The following PIGF variants were observed in gnomAD, a reference collection of about 807,000 sequenced individuals.
PIGF encodes phosphatidylinositol glycan anchor biosynthesis class F.
PIGF carries 23 observed loss-of-function variants against 26.0 expected under a neutral mutation model. The observed-to-expected ratio is 0.88, with a 90% confidence interval of 0.64 to 1.25. The LOEUF is 1.25. PIGF is among the 50% of genes most tolerant of loss of function. The pLI is 0.00. For synonymous variants in PIGF, 93 were observed against 92.6 expected, an observed-to-expected ratio of 1.00 and a Z score of -0.03; for missense variants, 278 against 249.9, an observed-to-expected ratio of 1.11 and a Z score of -0.76.
intron 2 of PIGF, 175 bp downstream of exon 2, chr2:46,614,762 C>G (rs1304471257): frequency 3.7e-6 from 2 of 538,234 alleles, no homozygotes; most frequent in Non-Finnish European, 6.7e-6. Flanking sequence ...AAGGATCAAT[C>G]AAACATTGTG....
chr2:46,596,212 CAAAA>C (rs544010392), intron 4 of PIGF, among the ~76,000 whole-genome samples: 1 of 102,846 alleles, frequency 9.7e-6, no homozygotes. Context: ...GACCCCATCT[CAAAA>C]AAAAAAAAAA....
At chr2:46,584,690 G>C (rs1025314642) in intron 5 of PIGF, among the ~76,000 whole-genome samples, 3 of 152,162 alleles carry the variant, frequency 2.0e-5, no homozygotes, top group Admixed American at 2.0e-4. Context: ...GACTGTTAAT[G>C]ATGGGTCAGG....
In PIGF at chr2:46,612,232, T is replaced by C. The variant is rs1333042075; in HGVS notation, c.433A>G (p.Asn145Asp). 3 of 1,081,566 alleles carry C rather than the reference T, an allele frequency of 2.8e-6. No homozygotes were observed. Among genetic ancestry groups the C allele is most frequent in the African/African-American group, 3.3e-5 (2 of 60,480 alleles). 67.0% of individuals were successfully genotyped at this position (1,081,566 alleles called of 1,614,324 possible). Residue 145 changes from asparagine (N) to aspartate (D), a missense_variant, in exon 4 of 6, where the codon AAT (asparagine) becomes GAT (aspartate). Physicochemically the swap from Asn to Asp is conservative, Grantham distance 23. Coordinates refer to ENST00000281382, the MANE Select transcript of PIGF (RefSeq NM_002643.4). Reference protein sequence around the residue: ...LKAWLRVFSRNGVTSIWENSL... With the variant: ...LKAWLRVFSRDGVTSIWENSL... Reference sequence around the variant, plus strand: ...TAATATAAAATTAAAACTTACCCATTTCTACTGAACACTCTTAGCCATGCT... The same window carrying C: ...TAATATAAAATTAAAACTTACCCATCTCTACTGAACACTCTTAGCCATGCT...
At chr2:46,610,141 G>T (rs1473678704) in intron 4 of PIGF, among the ~76,000 whole-genome samples, 3 of 152,162 alleles carry the variant, frequency 2.0e-5, no homozygotes, top group Admixed American at 6.5e-5. Flanking sequence ...TGTCACTGAT[G>T]AATTGTTTTA....
At chr2:46,605,135 T>G (rs1197612064) in intron 4 of PIGF, among the ~76,000 whole-genome samples, 1 of 152,100 alleles carries the variant, frequency 6.6e-6, no homozygotes, top group Admixed American at 6.6e-5. Flanking sequence ...TTTGAGTTTT[T>G]AAATATTTTT....
chr2:46,611,819 G>T lies in PIGF; in HGVS notation c.437+409C>A, dbSNP rs555852869. 5.9e-5 allele frequency among the ~76,000 whole-genome samples: 9 copies of T among 152,286 alleles called. No individual in the cohort carries two copies. In the South Asian group the frequency reaches 1.7e-3, roughly 28 times the overall value. On this transcript the variant is annotated intron_variant, in intron 4 of 5. Transcript: ENST00000281382. The stretch of plus-strand genomic sequence containing the variant: ...ATCATTGTTACACAACACATTTTTA[G>T]ATTGTGGACCCCACTTCTACCTTAT...
chr2:46,614,534 T>C (rs1402944876), intron 2 of PIGF: 1 of 157,210 alleles, frequency 6.4e-6, no homozygotes, highest in African/African-American at 2.4e-5. Context: ...GAAACAAGCA[T>C]TACCACAGGC....
chr2:46,584,908 T>C (rs914551938), intron 5 of PIGF, among the ~76,000 whole-genome samples: 1 of 152,186 alleles, frequency 6.6e-6, no homozygotes, highest in African/African-American at 2.4e-5. Context: ...CTGATTTTCT[T>C]ATAATTATTC....
Position 46,592,538 on chromosome 2 carries a change from A to C in PIGF, c.483T>G (p.Ser161=). Residue 161 remains serine (S), a synonymous_variant, in exon 5 of 6, where the codon TCT becomes TCG. Coordinates refer to ENST00000281382, the MANE Select transcript of PIGF (RefSeq NM_002643.4). ...WENSLQITTI[S]SFVGAWLGAL... is the part of the protein sequence containing the mutation. Reference sequence around the variant, plus strand: ...CTCCAAGCCATGCTCCTACAAAGCTAGAAATTGTAGTGATCTGGAGACTAT... The same window carrying C: ...CTCCAAGCCATGCTCCTACAAAGCTCGAAATTGTAGTGATCTGGAGACTAT... 1 of 1,608,770 alleles carries C rather than the reference A, an allele frequency of 6.2e-7. No individual in the cohort carries two copies. The highest frequency in any genetic ancestry group is 8.5e-7 in the Non-Finnish European group (1 of 1,175,044).
At chr2:46,591,650 T>A (rs922141836) in intron 5 of PIGF, 2 of 927,844 alleles carry the variant, frequency 2.2e-6, no homozygotes, top group Non-Finnish European at 2.6e-6. Context: ...ATTTGTTAAA[T>A]AAGTTATAAA....
intron 5 of PIGF, chr2:46,582,664 A>G (rs1025967960): frequency 6.6e-6 from 1 of 152,616 alleles, no homozygotes; most frequent in Non-Finnish European, 1.5e-5. Context: ...GTTAATTCAC[A>G]TGACTTGAGC....
intron 5 of PIGF, among the ~76,000 whole-genome samples, chr2:46,590,087 T>C (rs2104073138): frequency 6.6e-6 from 1 of 152,232 alleles, no homozygotes. Flanking sequence ...GATAATTACA[T>C]GGCCAGTAAT....
chr2:46,583,876 A>T (rs1279468350), intron 5 of PIGF, among the ~76,000 whole-genome samples: 1 of 152,210 alleles, frequency 6.6e-6, no homozygotes, highest in African/African-American at 2.4e-5. Flanking sequence ...TATTTGAGTT[A>T]ATCAGTGTTT....
At chr2:46,603,016 G>A (rs905986761) in intron 4 of PIGF, among the ~76,000 whole-genome samples, 3 of 151,870 alleles carry the variant, frequency 2.0e-5, no homozygotes, top group Non-Finnish European at 4.4e-5. Flanking sequence ...GAATAAAGTT[G>A]CAGGATACAA....
intron 4 of PIGF, among the ~76,000 whole-genome samples, chr2:46,602,751 T>C (rs1050995647): frequency 6.6e-6 from 1 of 151,944 alleles, no homozygotes; most frequent in African/African-American, 2.4e-5. Context: ...ATTTCTGTTC[T>C]AAATTATTAT....
chr2:46,613,042 A>C (rs917996614), intron 3 of PIGF, among the ~76,000 whole-genome samples: 37 of 139,588 alleles, frequency 2.7e-4, no homozygotes, highest in Non-Finnish European at 4.8e-5. Flanking sequence ...AACTATGTAT[A>C]AATATATATA....
intron 4 of PIGF, among the ~76,000 whole-genome samples, chr2:46,604,901 T>C (rs1233332925): frequency 1.3e-5 from 2 of 151,928 alleles, no homozygotes; most frequent in Non-Finnish European, 2.9e-5. Context: ...AGATAAATGC[T>C]TGATGTGAAT....
chr2:46,605,095 A>T (rs1227504961), intron 4 of PIGF, among the ~76,000 whole-genome samples: 1 of 152,096 alleles, frequency 6.6e-6, no homozygotes, highest in African/African-American at 2.4e-5. Context: ...CTTTGTGAAT[A>T]TTTATATTAT....
intron 5 of PIGF, among the ~76,000 whole-genome samples, chr2:46,583,586 T>C (rs767129002): frequency 4.6e-5 from 7 of 152,146 alleles, no homozygotes; most frequent in Non-Finnish European, 8.8e-5. Flanking sequence ...CTTTAGTTTT[T>C]CTTTTTGCAA....
Sources: gnomAD v4.1 joint callset for allele counts (sites outside exome capture counted in the v4.1 genomes callset) on GRCh38, gnomAD v4.1.1 for gene constraint, MANE v1.5 for transcripts, NCBI Gene and HGNC (gene_info 2026-07-23, HGNC 2026-07-21) for gene names.